The following HLCS variants were observed in gnomAD, a reference collection of about 807,000 sequenced individuals.
HLCS encodes holocarboxylase synthetase.
In HLCS, 53 loss-of-function variants were observed where a neutral mutation model predicts 75.0. The observed-to-expected ratio is 0.71, with a 90% CI of 0.57 to 0.89. The LOEUF (loss-of-function observed/expected upper bound fraction) is 0.89, where lower values mean the gene tolerates loss of function less well. HLCS is among the 40% of genes least tolerant of loss of function. The probability of loss-of-function intolerance (pLI) is 0.00; values close to 1 mark genes in which losing one functional copy is unlikely to be tolerated. For synonymous variants in HLCS, 431 were observed against 428.6 expected (o/e 1.01, Z -0.07); for missense variants, 966 against 1,074.0 (o/e 0.90, Z 1.41).
chr21:36,845,806 G>A (rs1308380697), intron 6 of HLCS, among the ~76,000 whole-genome samples: 1 of 152,118 alleles, frequency 6.6e-6, no homozygotes, highest in Non-Finnish European at 1.5e-5. Context: ...CCTCCTCTGG[G>A]AGAGTAAGAA....
In HLCS at chr21:36,753,448, T is replaced by A. The variant is rs954634588; in HGVS notation, c.*798A>T. ...TGTCAGAGCCAAATCGCCCACCTCC[T>A]CATCCAAGTGATGCCTAATCAGACA... On this transcript the variant is annotated 3_prime_UTR_variant, in exon 11 of 11. Coordinates refer to ENST00000674895, the MANE Select transcript of HLCS (RefSeq NM_001352514.2). This position sits in a 1 kb window ranked among gnomAD's most constrained non-coding sequence, Gnocchi z 4.3. The A allele has an allele frequency of 1.3e-5, 2 of 152,252 alleles. No homozygotes were observed. Among genetic ancestry groups the A allele is most frequent in the Middle Eastern group, 3.2e-3 (1 of 316 alleles). 9.4% of individuals were successfully genotyped at this position (152,252 alleles called of 1,614,324 possible). A position where few individuals can be genotyped will look rare whatever the true frequency, so the allele number is the denominator to read the frequency against.
intron 6 of HLCS, among the ~76,000 whole-genome samples, chr21:36,772,878 G>A (rs2060250786): frequency 6.6e-6 from 1 of 151,558 alleles, no homozygotes; most frequent in African/African-American, 2.4e-5. Flanking sequence ...CTACTCGAGA[G>A]GCTGAGGCAG....
chr21:36,804,076 C>T (rs2061292740), intron 6 of HLCS: 2 of 152,464 alleles, frequency 1.3e-5, no homozygotes, highest in African/African-American at 4.8e-5. Flanking sequence ...TCACAGTCAC[C>T]TTTACAATGC....
chr21:36,881,757 T>G (rs1369245677), intron 6 of HLCS, among the ~76,000 whole-genome samples: 1 of 152,168 alleles, frequency 6.6e-6, no homozygotes, highest in Non-Finnish European at 1.5e-5. Flanking sequence ...CCAGCTTTGG[T>G]GGTCTTGATG....
intron 6 of HLCS, among the ~76,000 whole-genome samples, chr21:36,894,849 T>TG (rs1261656541): frequency 6.6e-6 from 1 of 151,596 alleles, no homozygotes; most frequent in African/African-American, 2.4e-5. Flanking sequence ...GGCAGAGGTT[T>TG]TTTTTTTTTT....
chr21:36,835,009 C>A (rs142500179), intron 6 of HLCS, among the ~76,000 whole-genome samples: 4 of 152,174 alleles, frequency 2.6e-5, no homozygotes, highest in Admixed American at 6.5e-5. Flanking sequence ...GAAGCCTTCT[C>A]GAGAACAGAA....
intron 1 of HLCS, among the ~76,000 whole-genome samples, chr21:36,973,334 A>C (rs2068846861): frequency 6.6e-6 from 1 of 151,876 alleles, no homozygotes; most frequent in South Asian, 2.1e-4. Context: ...AAGAACTCCA[A>C]ATCAATGAGG....
intron 4 of HLCS, among the ~76,000 whole-genome samples, chr21:36,935,654 T>C (rs2066846545): frequency 6.6e-6 from 1 of 152,222 alleles, no homozygotes; most frequent in African/African-American, 2.4e-5. Flanking sequence ...AATGTTCATC[T>C]AACTCTAATG....
intron 2 of HLCS, among the ~76,000 whole-genome samples, chr21:36,955,554 T>G (rs1279117930): frequency 1.3e-5 from 2 of 152,068 alleles, no homozygotes; most frequent in African/African-American, 2.4e-5. Flanking sequence ...TTTTTACAGC[T>G]GTACAATGTG....
chr21:36,891,882 A>T (rs1473305753), intron 6 of HLCS, among the ~76,000 whole-genome samples: 2 of 152,244 alleles, frequency 1.3e-5, no homozygotes, highest in East Asian at 3.9e-4. Context: ...TACCACATAG[A>T]GCCCAGAAGC....
intron 6 of HLCS, among the ~76,000 whole-genome samples, chr21:36,789,888 A>G (rs2060805989): frequency 6.6e-6 from 1 of 152,230 alleles, no homozygotes; most frequent in Non-Finnish European, 1.5e-5. Flanking sequence ...TTAACTATAC[A>G]TCTTTGTGAG....
At chr21:36,940,822 G>A (rs1456330999) in intron 2 of HLCS, among the ~76,000 whole-genome samples, 3 of 152,268 alleles carry the variant, frequency 2.0e-5, no homozygotes, top group African/African-American at 7.2e-5. Context: ...ATCCCCATGT[G>A]TCAAGGGACG....
chr21:36,802,747 T>G (rs2145924765), intron 6 of HLCS, among the ~76,000 whole-genome samples: 1 of 152,282 alleles, frequency 6.6e-6, no homozygotes, highest in South Asian at 2.1e-4. Context: ...TAGGGTTACC[T>G]TTTCACTCCC....
intron 6 of HLCS, among the ~76,000 whole-genome samples, chr21:36,799,159 G>C (rs1407251049): frequency 6.6e-6 from 1 of 152,068 alleles, no homozygotes; most frequent in Non-Finnish European, 1.5e-5. Context: ...ACTAAATTTA[G>C]GTCTATGATC....
intron 1 of HLCS, among the ~76,000 whole-genome samples, chr21:36,973,329 C>A (rs930822884): frequency 2.0e-5 from 3 of 146,866 alleles, no homozygotes; most frequent in Non-Finnish European, 4.5e-5. Flanking sequence ...ATACAAAGAA[C>A]TCCAAATCAA....
intron 10 of HLCS, among the ~76,000 whole-genome samples, chr21:36,755,301 T>A (rs570995338): frequency 6.6e-6 from 1 of 151,784 alleles, no homozygotes; most frequent in Admixed American, 6.6e-5. Flanking sequence ...CTTGGGAGGC[T>A]GAGGCAGGAG....
Position 36,966,425 on chromosome 21 carries a change from G to GGGCGCCC in HLCS, c.195+18_195+19insGGGCGCC. ...CCGGCTCGCGGGGCCCGGGTCGCCC[G>GGGCGCCC]CCCGCCCGACCCGCCCACCTGGCTG... On this transcript the variant is annotated intron_variant, in intron 1 of 10. Transcript: ENST00000674895. 6.7e-5 allele frequency: 13 copies of GGGCGCCC among 195,434 alleles called. No homozygotes were observed. The highest frequency in any genetic ancestry group is 1.1e-4 in the Non-Finnish European group (13 of 116,686). The allele number at this position is 195,434 out of a possible 1,614,324, so 12.1% of individuals were successfully genotyped here. A position where few individuals can be genotyped will look rare whatever the true frequency, so the allele number is the denominator to read the frequency against.
At chr21:36,961,991 A>C in intron 2 of HLCS, 45 bp downstream of exon 2, 6 of 1,190,956 alleles carry the variant, frequency 5.0e-6, no homozygotes, top group African/African-American at 1.6e-5. Context: ...GTTTTGACTA[A>C]GACACATCAG....
chr21:36,926,689 C>T (rs2066421012), intron 5 of HLCS, among the ~76,000 whole-genome samples: 1 of 151,400 alleles, frequency 6.6e-6, no homozygotes, highest in Admixed American at 6.6e-5. Flanking sequence ...CCCTTAAGCA[C>T]TCCACCACAA....
Sources: allele counts gnomAD v4.1 joint callset (sites outside exome capture counted in the v4.1 genomes callset), GRCh38; gene constraint gnomAD v4.1.1; non-coding constraint Gnocchi (gnomAD v3.1); transcripts MANE v1.5; gene names NCBI Gene and HGNC (gene_info 2026-07-23, HGNC 2026-07-21).